The following RNF121 variants were observed in gnomAD, a reference collection of about 807,000 sequenced individuals.
The protein encoded by RNF121 is ring finger protein 121.
In RNF121, 21 loss-of-function variants were observed where a neutral mutation model predicts 46.5. That is an observed-to-expected ratio of 0.45 (90% CI 0.32 to 0.65). RNF121 has a LOEUF of 0.65. RNF121 is among the 30% of genes least tolerant of loss of function. RNF121 has a pLI of 0.04. For synonymous variants in RNF121, 139 were observed against 144.7 expected (o/e 0.96, Z 0.28); for missense variants, 346 against 416.0 (o/e 0.83, Z 1.46).
chr11:71,981,383 C>T (rs1368046515), intron 3 of RNF121, among the ~76,000 whole-genome samples: 1 of 152,264 alleles, frequency 6.6e-6, no homozygotes, highest in African/African-American at 2.4e-5. Context: ...TATAGAATGC[C>T]AGGAAACTAG....
chr11:71,978,045 G>A (rs1013214942), intron 3 of RNF121: 22 of 292,760 alleles, frequency 7.5e-5, no homozygotes, highest in African/African-American at 3.9e-4. Flanking sequence ...AAATTCTAAA[G>A]TAGAAACTGA....
At chr11:71,942,453 C>G (rs937405155) in intron 1 of RNF121, among the ~76,000 whole-genome samples, 2 of 151,882 alleles carry the variant, frequency 1.3e-5, no homozygotes, top group African/African-American at 2.4e-5. Context: ...ATACCTTAGA[C>G]TGGGTAATTT....
At chr11:71,994,103 G>T (rs1954924014) in intron 6 of RNF121, among the ~76,000 whole-genome samples, 1 of 152,112 alleles carries the variant, frequency 6.6e-6, no homozygotes, top group Non-Finnish European at 1.5e-5. Context: ...GCCTCCCAAA[G>T]TGCTGGGGTT....
At chr11:71,986,875 G>T in intron 4 of RNF121, 129 bp from the exon 5 acceptor site, 1 of 620,580 alleles carries the variant, frequency 1.6e-6, no homozygotes. Context: ...AGTAACTGAA[G>T]TTGCTCAGTA....
intron 1 of RNF121, among the ~76,000 whole-genome samples, chr11:71,948,627 C>T (rs1953786306): frequency 6.6e-6 from 1 of 151,402 alleles, no homozygotes; most frequent in South Asian, 2.1e-4. Flanking sequence ...GCTGTTAGAG[C>T]CAACATCTAC....
chr11:71,936,936 T>C (rs1469829112), intron 1 of RNF121, among the ~76,000 whole-genome samples: 1 of 152,250 alleles, frequency 6.6e-6, no homozygotes, highest in Admixed American at 6.5e-5. Context: ...AGAATGCTTG[T>C]AGATGTGGAT....
chr11:71,934,701 A>T (rs1323987611), intron 1 of RNF121, among the ~76,000 whole-genome samples: 3 of 152,102 alleles, frequency 2.0e-5, no homozygotes, highest in Non-Finnish European at 1.5e-5. Context: ...GGCATGTAAA[A>T]TGAGTGGTGG....
intron 5 of RNF121, among the ~76,000 whole-genome samples, chr11:71,990,027 T>C (rs1355842043): frequency 6.6e-6 from 1 of 152,218 alleles, no homozygotes; most frequent in East Asian, 1.9e-4. Flanking sequence ...GGGCCAGGTC[T>C]CAGGTAGTGG....
intron 1 of RNF121, among the ~76,000 whole-genome samples, chr11:71,951,858 A>G (rs1159137891): frequency 1.3e-5 from 2 of 152,162 alleles, no homozygotes; most frequent in East Asian, 3.8e-4. Context: ...TGGAACCCTC[A>G]CACACTGCTG....
intron 1 of RNF121, among the ~76,000 whole-genome samples, chr11:71,944,603 G>C (rs912260524): frequency 6.6e-6 from 1 of 152,226 alleles, no homozygotes; most frequent in Non-Finnish European, 1.5e-5. Flanking sequence ...TCATGGCCTT[G>C]TGTGGTCCCA....
At chr11:71,964,473 C>G (rs1261611796) in intron 3 of RNF121, among the ~76,000 whole-genome samples, 3 of 150,456 alleles carry the variant, frequency 2.0e-5, no homozygotes, top group African/African-American at 4.9e-5. Flanking sequence ...AATTGGATAC[C>G]TTTTTTTTTC....
At chr11:71,940,024 G>T (rs1355625341) in intron 1 of RNF121, among the ~76,000 whole-genome samples, 1 of 152,200 alleles carries the variant, frequency 6.6e-6, no homozygotes, top group Non-Finnish European at 1.5e-5. Flanking sequence ...TTCCGATAGG[G>T]TATGGCATTT....
chr11:71,960,193 T>C (rs1357076506), intron 2 of RNF121, among the ~76,000 whole-genome samples: 1 of 152,190 alleles, frequency 6.6e-6, no homozygotes, highest in Admixed American at 6.6e-5. Context: ...TAGTATAAAG[T>C]TGAAGCAGTC....
At chr11:71,947,481 C>T (rs1419479048) in intron 1 of RNF121, among the ~76,000 whole-genome samples, 8 of 42,610 alleles carry the variant, frequency 1.9e-4, no homozygotes, top group African/African-American at 5.4e-4. Context: ...AAAGACCTGT[C>T]TCAAAAAAAA....
At chr11:71,951,933 A>G (rs1282998101) in intron 1 of RNF121, among the ~76,000 whole-genome samples, 4 of 152,240 alleles carry the variant, frequency 2.6e-5, no homozygotes, top group Non-Finnish European at 5.9e-5. Context: ...AAGGTTAAGC[A>G]GAGACTTACC....
chr11:71,963,869 CT>C (rs1954204090), intron 3 of RNF121, among the ~76,000 whole-genome samples: 1 of 152,172 alleles, frequency 6.6e-6, no homozygotes, highest in Non-Finnish European at 1.5e-5. Flanking sequence ...TTCCGTTGAT[CT>C]ATATGTCTGT....
intron 2 of RNF121, 140 bp from the exon 3 acceptor site, chr11:71,960,610 C>T: frequency 1.1e-6 from 1 of 943,534 alleles, no homozygotes. Flanking sequence ...TGTCCTAGCC[C>T]CTAATTTGTG....
At chr11:71,987,164 G>A (rs1954788110) in intron 5 of RNF121, 53 bp downstream of exon 5, 3 of 1,114,016 alleles carry the variant, frequency 2.7e-6, no homozygotes, top group Non-Finnish European at 4.1e-6. Flanking sequence ...AGTGACTGTT[G>A]AGATGTACCT....
intron 3 of RNF121, among the ~76,000 whole-genome samples, chr11:71,975,762 T>C (rs1386903116): frequency 1.3e-5 from 2 of 152,200 alleles, no homozygotes; most frequent in African/African-American, 4.8e-5. Flanking sequence ...GACATAGTTC[T>C]AGGTATTAGA....
Sources: allele counts gnomAD v4.1 joint callset (sites outside exome capture counted in the v4.1 genomes callset), GRCh38; gene constraint gnomAD v4.1.1; transcripts MANE v1.5; gene names NCBI Gene and HGNC (gene_info 2026-07-23, HGNC 2026-07-21).